SAXO5: variants seen among roughly 807,000 people sequenced by gnomAD.
SAXO5 encodes stabilizer of axonemal microtubules 5.
chr19:7,501,335 G>A, the SAXO5 span: 7 of 1,563,438 alleles, frequency 4.5e-6, no homozygotes, highest in East Asian at 1.7e-4. Context: ...CGCCCACCAC[G>A]CACCAGGCGC....
chr19:7,508,277 T>G, the SAXO5 span: 1 of 1,613,982 alleles, frequency 6.2e-7, no homozygotes, highest in Non-Finnish European at 8.5e-7. Flanking sequence ...AGGACGAGTT[T>G]CCTTTCAAGT....
At chr19:7,501,133 G>A in the SAXO5 span, 1 of 1,507,204 alleles carries the variant, frequency 6.6e-7, no homozygotes, top group Non-Finnish European at 8.8e-7. Context: ...GCGCGGGAAC[G>A]CACGCTCGCC....
At chr19:7,506,181 A>AAGCCCCGCCCCATGG in the SAXO5 span, 435,391 of 1,477,128 alleles carry the variant, frequency 0.29, 70,575 homozygotes, top group Non-Finnish European at 0.32. Context: ...CGCTCCCGGG[A>AAGCCCCGCCCCATGG]AGCCCCGCCC....
the SAXO5 span, chr19:7,506,167 T>C: frequency 6.3e-7 from 1 of 1,591,458 alleles, no homozygotes; most frequent in Non-Finnish European, 8.5e-7. Flanking sequence ...GCACGGGCGG[T>C]GAGCGCTCCC....
chr19:7,501,829 G>A, the SAXO5 span, among the ~76,000 whole-genome samples: 1 of 149,138 alleles, frequency 6.7e-6, no homozygotes, highest in Non-Finnish European at 1.5e-5. Flanking sequence ...TCAAAAAAAG[G>A]AAAGAAAGAA....
At chr19:7,501,151 C>A in the SAXO5 span, 1 of 1,511,196 alleles carries the variant, frequency 6.6e-7, no homozygotes, top group Non-Finnish European at 8.8e-7. Context: ...GCCATGCAGG[C>A]CGGCAACCTG....
chr19:7,506,879 G>A, the SAXO5 span: 1 of 571,712 alleles, frequency 1.7e-6, no homozygotes, highest in South Asian at 2.1e-5. Flanking sequence ...CCTTCCTCTG[G>A]CTTCTCCCTC....
the SAXO5 span, chr19:7,505,858 G>C: frequency 8.5e-7 from 1 of 1,171,104 alleles, no homozygotes; most frequent in Non-Finnish European, 1.2e-6. Flanking sequence ...GGCCCAGAAG[G>C]GGTGAGGGAG....
the SAXO5 span, chr19:7,506,806 C>T: frequency 4.1e-6 from 2 of 485,430 alleles, no homozygotes; most frequent in Non-Finnish European, 7.5e-6. Context: ...TCCTCCCCCA[C>T]CTCCTCCCTC....
chr19:7,500,725 C>A, the SAXO5 span: 1 of 1,164,656 alleles, frequency 8.6e-7, no homozygotes. Flanking sequence ...TCAAAGGCAG[C>A]AGAAAGGAGT....
chr19:7,506,240 TGGAGCCCCTCCCCA>T, the SAXO5 span: 2 of 481,818 alleles, frequency 4.2e-6, no homozygotes, highest in Non-Finnish European at 5.3e-6. Context: ...CCCGCCCCCA[TGGAGCCCCTCCCCA>T]TGGAGCCCCG....
the SAXO5 span, chr19:7,504,208 C>T: frequency 2.2e-5 from 35 of 1,614,014 alleles, no homozygotes; most frequent in Non-Finnish European, 3.0e-5. Context: ...GGCCCACCTG[C>T]CTTGAGGTGT....
chr19:7,504,096 CCCCA>C, the SAXO5 span: 16 of 1,526,492 alleles, frequency 1.0e-5, no homozygotes, highest in Non-Finnish European at 1.3e-5. Flanking sequence ...CTCTCTCTCC[CCCCA>C]TCCCCCTTGC....
At chr19:7,501,022 T>C in the SAXO5 span, 1 of 1,526,326 alleles carries the variant, frequency 6.6e-7, no homozygotes, top group Non-Finnish European at 8.7e-7. Context: ...GCGCTGCTTT[T>C]CCCAATGGAC....
the SAXO5 span, chr19:7,500,822 G>A: frequency 6.8e-7 from 1 of 1,473,458 alleles, no homozygotes. Context: ...GGTGTCCCGC[G>A]ATGGCCACAG....
At chr19:7,502,939 A>G in the SAXO5 span, among the ~76,000 whole-genome samples, 1 of 152,104 alleles carries the variant, frequency 6.6e-6, no homozygotes, top group Non-Finnish European at 1.5e-5. Context: ...GGCCCCTAAG[A>G]TGGGCTCAGG....
At chr19:7,501,323 C>A in the SAXO5 span, 1 of 1,572,046 alleles carries the variant, frequency 6.4e-7, no homozygotes, top group South Asian at 1.1e-5. Context: ...AGTTGCGCAT[C>A]CCGCCCACCA....
the SAXO5 span, chr19:7,506,218 A>AC: frequency 1.5e-4 from 164 of 1,060,120 alleles, 3 homozygotes; most frequent in African/African-American, 1.9e-3. Flanking sequence ...GGGAAGCCCC[A>AC]CCCCCGAAAG....
At chr19:7,506,371 G>C in the SAXO5 span, 17 of 551,792 alleles carry the variant, frequency 3.1e-5, no homozygotes, top group South Asian at 2.6e-4. Context: ...TTCATCCCCT[G>C]AAAGGCTAAA....
Sources: gnomAD v4.1 joint callset for allele counts (sites outside exome capture counted in the v4.1 genomes callset) on GRCh38, gnomAD v4.1.1 for gene constraint, MANE v1.5 for transcripts, NCBI Gene and HGNC (gene_info 2026-07-23, HGNC 2026-07-21) for gene names.